The following IDH3G variants were observed in gnomAD, a reference collection of about 807,000 sequenced individuals.
IDH3G encodes isocitrate dehydrogenase (NAD(+)) 3 non-catalytic subunit gamma.
IDH3G carries 9 observed loss-of-function variants against 26.9 expected under a neutral mutation model. The ratio of observed to expected loss-of-function variants is 0.34; its 90% CI spans 0.20 to 0.58. The LOEUF (loss-of-function observed/expected upper bound fraction) is 0.58. Among genes scored for constraint, IDH3G ranks in the 20% least tolerant of loss-of-function variants. IDH3G has a pLI of 0.85. For missense variants in IDH3G, 250 were observed against 372.8 expected (o/e 0.67, Z 2.71); for synonymous variants, 181 against 160.0 (o/e 1.13, Z -0.99).
chrX:153,787,647 C>G, intron 7 of IDH3G, 50 bp from the exon 8 acceptor site: 1 of 1,186,902 alleles, frequency 8.4e-7, no homozygotes. Flanking sequence ...AAGAGCAGCA[C>G]TGGCCAAACA....
chrX:153,787,767 A>G (rs1176662271), intron 7 of IDH3G, 56 bp downstream of exon 7: 1 of 1,173,827 alleles, frequency 8.5e-7, no homozygotes, highest in Non-Finnish European at 1.2e-6. Context: ...TGGTTCCTTA[A>G]GCTCTCCCCT....
At chrX:153,790,623 G>A in intron 2 of IDH3G, 48 bp from the exon 3 acceptor site, 1 of 1,178,962 alleles carries the variant, frequency 8.5e-7, no homozygotes, top group Non-Finnish European at 1.2e-6. Flanking sequence ...AAGGTTCCAA[G>A]AGCAAGGCCG....
chrX:153,785,866 G>A lies in IDH3G; in HGVS notation c.*6C>T. ...AGGAGCAAACCAAGAAGGTCCTAGG[G>A]CCAGCCTAGGCCTCCACGGCCCGGC... On this transcript the variant is annotated 3_prime_UTR_variant, in exon 13 of 13. Transcript: ENST00000217901. The A allele has an allele frequency of 8.3e-7, 1 of 1,209,843 alleles. No individual in the cohort carries two copies. The highest frequency in any genetic ancestry group is 1.1e-6 in the Non-Finnish European group (1 of 894,342).
At chrX:153,789,168 C>T (rs1557069853) in intron 5 of IDH3G, 2 of 342,727 alleles carry the variant, frequency 5.8e-6, no homozygotes, top group Admixed American at 3.1e-5. Context: ...ACCCAGTCTC[C>T]AAGCACGAGG....
chrX:153,787,913 G>T lies in IDH3G; in HGVS notation c.450C>A (p.Ser150Arg). The T allele has an allele frequency of 8.3e-7, 1 of 1,210,946 alleles. No homozygotes were observed. Among genetic ancestry groups the T allele is most frequent in the Non-Finnish European group, 1.1e-6 (1 of 894,499 alleles). The change falls in exon 7 of 13, where the codon AGC becomes AGA. Residue 150 changes from serine (S) to arginine (R), a missense_variant. Ser to Arg is a moderately radical substitution (Grantham distance 110, BLOSUM62 -1). This residue lies in a region of IDH3G where 201 missense variants were observed against 331.3 expected (regional missense o/e 0.61). Coordinates refer to ENST00000217901, the MANE Select transcript of IDH3G (RefSeq NM_004135.4). ...TGTGCCGGGTCACCACGCCTGGAAG[G>T]CTCTTACAGTGGATGACGTTGGCAT... ...DLYANVIHCK[S>R]LPGVVTRHKD...
In IDH3G at chrX:153,787,856, G is replaced by A. The variant is rs2092095323; in HGVS notation, c.507C>T (p.Asn169=). 1 of 1,211,024 alleles carries A rather than the reference G, an allele frequency of 8.3e-7. No individual in the cohort carries two copies. The highest frequency in any genetic ancestry group is 1.1e-6 in the Non-Finnish European group (1 of 894,698). Reference sequence around the variant, plus strand: ...CCAGGCTGCTGTACTCGCCCTCTGTGTTCTCCCGGACAATGAGGATGTCTA... The same window carrying A: ...CCAGGCTGCTGTACTCGCCCTCTGTATTCTCCCGGACAATGAGGATGTCTA... ...KDIDILIVRE[N]TEGEYSSLEH... is the part of the protein sequence containing the mutation. The change falls in exon 7 of 13, where the codon AAC becomes AAT. Residue 169 remains asparagine (N), a synonymous_variant. Transcript: ENST00000217901.
At chrX:153,793,468 G>C (rs1183396156) in intron 1 of IDH3G, 2 of 111,478 alleles carry the variant, frequency 1.8e-5, no homozygotes, top group East Asian at 5.6e-4. Flanking sequence ...TCCCCTCTGG[G>C]TTCCAAAGGG....
intron 1 of IDH3G, 38 bp downstream of exon 1, chrX:153,794,208 G>A: frequency 8.7e-7 from 1 of 1,152,210 alleles, no homozygotes; most frequent in East Asian, 3.2e-5. Context: ...GCTCCCCTGC[G>A]ACCGCTGCCG....
chrX:153,788,261 A>G lies in IDH3G; in HGVS notation c.347-126T>C, dbSNP rs1434594796. 1.2e-5 allele frequency: 8 copies of G among 676,874 alleles called. No individual in the cohort carries two copies. The East Asian group carries it at 1.9e-4, about 16-fold the overall frequency. 55.8% of individuals were successfully genotyped at this position (676,874 alleles called of 1,213,427 possible). A position where few individuals can be genotyped will look rare whatever the true frequency, so the allele number is the denominator to read the frequency against. On this transcript the variant is annotated intron_variant, in intron 5 of 12. Transcript: ENST00000217901. ...TGTTTCCTGAACACTAGAATGCTAG[A>G]ATGCAACTTCCAGCCTAAGCCCCAC... is the stretch of plus-strand genomic sequence containing the variant.
At chrX:153,789,463 G>C (rs2092101046) in intron 5 of IDH3G, among the ~76,000 whole-genome samples, 1 of 112,477 alleles carries the variant, frequency 8.9e-6, no homozygotes, top group Non-Finnish European at 1.9e-5. Flanking sequence ...AGAATCGCTT[G>C]AAACTGGAAG....
chrX:153,790,942 G>A, intron 1 of IDH3G, 91 bp from the exon 2 acceptor site: 1 of 829,655 alleles, frequency 1.2e-6, no homozygotes, highest in Non-Finnish European at 1.8e-6. Flanking sequence ...CTGTGCCCAG[G>A]CAGGTCCCCT....
At chrX:153,793,167 C>A (rs1251200157) in intron 1 of IDH3G, among the ~76,000 whole-genome samples, 1 of 111,447 alleles carries the variant, frequency 9.0e-6, no homozygotes, top group African/African-American at 3.3e-5. Context: ...CACAGGCACA[C>A]ACACAGGGGA....
chrX:153,789,834 G>GCATGT lies in IDH3G; in HGVS notation c.234-11_234-10insACATG. On this transcript the variant is annotated splice_polypyrimidine_tract_variant and intron_variant, in intron 4 of 12. Coordinates refer to ENST00000217901, the MANE Select transcript of IDH3G (RefSeq NM_004135.4). Reference sequence around the variant, plus strand: ...TGGTACACATGCGTGCCTGAGGCACGGCAGGGTCAGGGAGGCTGGCCCAGA... The same window carrying GCATGT: ...TGGTACACATGCGTGCCTGAGGCACGCATGTGCAGGGTCAGGGAGGCTGGCCCAGA... 8.9e-7 allele frequency: 1 copy of GCATGT among 1,119,717 alleles called. No homozygotes were observed. Among genetic ancestry groups the GCATGT allele is most frequent in the Non-Finnish European group, 1.2e-6 (1 of 818,712 alleles). 92.3% of individuals were successfully genotyped at this position (1,119,717 alleles called of 1,213,427 possible).
intron 8 of IDH3G, 128 bp from the exon 9 acceptor site, chrX:153,787,281 C>A: frequency 1.3e-6 from 1 of 754,700 alleles, no homozygotes; most frequent in Non-Finnish European, 2.0e-6. Flanking sequence ...GCAAAATGGA[C>A]AGAATCCCAC....
chrX:153,790,370 A>G, intron 3 of IDH3G, 78 bp from the exon 4 acceptor site: 1 of 965,629 alleles, frequency 1.0e-6, no homozygotes, highest in Non-Finnish European at 1.5e-6. Flanking sequence ...GCTCAAGCCA[A>G]TTCCCTTCTT....
At chrX:153,792,711 G>A (rs1348683993) in intron 1 of IDH3G, among the ~76,000 whole-genome samples, 1 of 112,452 alleles carries the variant, frequency 8.9e-6, no homozygotes, top group Non-Finnish European at 1.9e-5. Context: ...GTGTTCCTTT[G>A]GGCTTTGGCA....
chrX:153,791,109 C>G, intron 1 of IDH3G: 3 of 352,772 alleles, frequency 8.5e-6, no homozygotes, highest in Non-Finnish European at 9.9e-6. Context: ...AGGCGTGTCC[C>G]TGCCCTCCCT....
intron 4 of IDH3G, 78 bp from the exon 5 acceptor site, chrX:153,789,902 C>A: frequency 1.5e-6 from 1 of 663,507 alleles, no homozygotes; most frequent in South Asian, 2.5e-5. Context: ...GGCTACCTCT[C>A]TCCTGTTGCT....
At chrX:153,790,149 A>T (rs782032216) in intron 4 of IDH3G, 46 bp downstream of exon 4, 1 of 1,067,225 alleles carries the variant, frequency 9.4e-7, no homozygotes, top group East Asian at 3.0e-5. Flanking sequence ...CAAAGTCCTC[A>T]GGGCCCCCTG....
Sources: allele counts gnomAD v4.1 joint callset (sites outside exome capture counted in the v4.1 genomes callset), GRCh38; gene constraint gnomAD v4.1.1; regional missense constraint gnomAD v4.1.1; transcripts MANE v1.5; gene names NCBI Gene and HGNC (gene_info 2026-07-23, HGNC 2026-07-21).